Variants in GRID2 observed in about 807,000 individuals in gnomAD.
The protein encoded by GRID2 is glutamate ionotropic receptor delta type subunit 2, also known as glutamate receptor ionotropic, delta-2.
Under a neutral mutation model 114.8 loss-of-function variants are expected in GRID2, and 33 were observed. The observed-to-expected ratio is 0.29, with a 90% CI of 0.22 to 0.38. The LOEUF (loss-of-function observed/expected upper bound fraction) is 0.38. Ranked by LOEUF, GRID2 falls within the 10% of genes least tolerant of loss-of-function variation. The probability of loss-of-function intolerance (pLI) is 1.00; values close to 1 mark genes in which losing one functional copy is unlikely to be tolerated. For missense variants in GRID2, 1,184 were observed against 1,257.7 expected (o/e 0.94, Z 0.89); for synonymous variants, 505 against 449.9 (o/e 1.12, Z -1.55).
chr4:92,600,040 G>GTA (rs1223993452), intron 2 of GRID2, among the ~76,000 whole-genome samples: 38 of 70,704 alleles, frequency 5.4e-4, no homozygotes, highest in African/African-American at 2.0e-3. Context: ...GTGTGTGTGT[G>GTA]TGTGTATATA....
chr4:92,605,093 C>T (rs1224456227), intron 2 of GRID2, among the ~76,000 whole-genome samples: 1 of 152,050 alleles, frequency 6.6e-6, no homozygotes, highest in Admixed American at 6.6e-5. Context: ...TTGTAAGTTT[C>T]CTGAAGCCTT....
intron 2 of GRID2, among the ~76,000 whole-genome samples, chr4:92,672,112 T>C (rs1733103264): frequency 1.3e-5 from 2 of 152,200 alleles, no homozygotes; most frequent in African/African-American, 4.8e-5. Context: ...GTTTTTATCA[T>C]AGGAAATTTC....
rs1579634334 is a variant in GRID2 at position 92,587,358 on chromosome 4, T to C, written c.89-2773T>C. On this transcript the variant is annotated intron_variant, in intron 1 of 15. Coordinates refer to ENST00000282020, the MANE Select transcript of GRID2 (RefSeq NM_001510.4). The stretch of plus-strand genomic sequence containing the variant: ...TACCTATAGTATTGGATTATCTAGA[T>C]TGGTAATATTTGTATATTAATACAA... Among the ~76,000 whole-genome samples, 3 of 152,174 alleles carry C rather than the reference T, an allele frequency of 2.0e-5. No homozygotes were observed. In the East Asian group the frequency reaches 5.8e-4, roughly 29 times the overall value.
chr4:92,708,459 C>A (rs1707135073), intron 2 of GRID2, among the ~76,000 whole-genome samples: 1 of 152,102 alleles, frequency 6.6e-6, no homozygotes, highest in Non-Finnish European at 1.5e-5. Flanking sequence ...GTTTTGGTAG[C>A]ACCGCTCTGG....
intron 12 of GRID2, among the ~76,000 whole-genome samples, chr4:93,514,709 A>G (rs897737156): frequency 2.0e-5 from 3 of 152,192 alleles, no homozygotes; most frequent in Non-Finnish European, 4.4e-5. Flanking sequence ...TGACGTGTGT[A>G]TTCAATAAAT....
chr4:93,362,740 G>C (rs753442300), intron 8 of GRID2, among the ~76,000 whole-genome samples: 5 of 151,920 alleles, frequency 3.3e-5, no homozygotes, highest in Non-Finnish European at 7.4e-5. Context: ...TCCAGTCTTC[G>C]TTGTAAACAC....
chr4:92,535,696 G>A (rs966669773), intron 1 of GRID2, among the ~76,000 whole-genome samples: 3 of 152,166 alleles, frequency 2.0e-5, no homozygotes, highest in Non-Finnish European at 2.9e-5. Context: ...ACCTGCCCTA[G>A]AAATCTATTG....
At chr4:92,535,894 A>G (rs902309354) in intron 1 of GRID2, among the ~76,000 whole-genome samples, 48 of 152,144 alleles carry the variant, frequency 3.2e-4, no homozygotes, top group African/African-American at 1.2e-3. Context: ...GTTACAGCTC[A>G]TAAAGGCGGC....
intron 8 of GRID2, among the ~76,000 whole-genome samples, chr4:93,316,291 C>CGAAAGAAAGAAAGAAAGAAAGAAAGAAA (rs201308452): frequency 2.3e-3 from 180 of 77,140 alleles, no homozygotes; most frequent in South Asian, 3.9e-3. Context: ...AACGAAAGAA[C>CGAAAGAAAGAAAGAAAGAAAGAAAGAAA]GAAAGAAAGA....
At position 93,084,700 on chromosome 4, in the gene GRID2, A is replaced by C. The variant is rs992699563; in HGVS notation, c.245-295A>C. Among the ~76,000 whole-genome samples, 7 of 152,306 alleles carry C rather than the reference A, an allele frequency of 4.6e-5. No homozygotes were observed. In the East Asian group the frequency reaches 1.4e-3, roughly 29 times the overall value. The stretch of plus-strand genomic sequence containing the variant: ...GCAAATAACAGACACTGTTTTCTCT[A>C]ATCCTTGCAATAATCCTGCGAGATT... On this transcript the variant is annotated intron_variant, in intron 2 of 15. Transcript: ENST00000282020.
chr4:92,841,699 C>G (rs186157340), intron 2 of GRID2, among the ~76,000 whole-genome samples: 2 of 151,970 alleles, frequency 1.3e-5, no homozygotes, highest in African/African-American at 4.8e-5. Context: ...AATTATTGCC[C>G]AAGGGGAAAC....
rs551999087 is a variant in GRID2, at chr4:92,966,784, G to C, written c.245-118211G>C. On this transcript the variant is annotated intron_variant, in intron 2 of 15. Transcript: ENST00000282020. ...TTCTGCATAAATTACTCAGTCTCGGGTATGTCCTTATTAGCAGTGTGAAAA... is the reference window on the plus strand; with the variant it reads ...TTCTGCATAAATTACTCAGTCTCGGCTATGTCCTTATTAGCAGTGTGAAAA... Among the ~76,000 whole-genome samples, 4 of 151,994 alleles carry C rather than the reference G, an allele frequency of 2.6e-5. No homozygotes were observed. The East Asian group carries it at 7.8e-4, about 30-fold the overall frequency.
At chr4:93,263,537 C>A (rs1473366553) in intron 8 of GRID2, among the ~76,000 whole-genome samples, 3 of 151,584 alleles carry the variant, frequency 2.0e-5, no homozygotes, top group Non-Finnish European at 4.4e-5. Flanking sequence ...ATTTATGATG[C>A]CTTAAATTAT....
chr4:92,969,910 C>T (rs879256457), intron 2 of GRID2, among the ~76,000 whole-genome samples: 35 of 151,938 alleles, frequency 2.3e-4, no homozygotes, highest in Middle Eastern at 3.4e-3. Context: ...ATGAGTGCTT[C>T]TTAAAACATA....
At chr4:92,366,831 G>T (rs1187499895) in intron 1 of GRID2, among the ~76,000 whole-genome samples, 2 of 151,850 alleles carry the variant, frequency 1.3e-5, no homozygotes, top group Non-Finnish European at 2.9e-5. Flanking sequence ...ATAAATGGGG[G>T]CATATCAAAC....
At chr4:93,248,424 T>C (rs1561040755) in intron 8 of GRID2, among the ~76,000 whole-genome samples, 2 of 152,242 alleles carry the variant, frequency 1.3e-5, no homozygotes, top group East Asian at 3.9e-4. Flanking sequence ...TTCACCCATA[T>C]GTGTTGGAAG....
chr4:93,105,589 CA>C, intron 3 of GRID2, among the ~76,000 whole-genome samples: 1 of 152,136 alleles, frequency 6.6e-6, no homozygotes, highest in Admixed American at 6.5e-5. Context: ...TAATCAGTGT[CA>C]GCAATGCTGT....
At chr4:92,697,607 C>T (rs1167623049) in intron 2 of GRID2, among the ~76,000 whole-genome samples, 3 of 151,726 alleles carry the variant, frequency 2.0e-5, no homozygotes, top group Non-Finnish European at 2.9e-5. Context: ...TGGTAGTGCC[C>T]GTGAGATAAA....
At chr4:93,282,268 T>G (rs1263537256) in intron 8 of GRID2, 3 of 323,618 alleles carry the variant, frequency 9.3e-6, no homozygotes, top group Non-Finnish European at 1.8e-5. Flanking sequence ...AAGTCTTATC[T>G]CAGGTAGTAA....
Sources: allele counts gnomAD v4.1 joint callset (sites outside exome capture counted in the v4.1 genomes callset), GRCh38; gene constraint gnomAD v4.1.1; transcripts MANE v1.5; gene names NCBI Gene and HGNC (gene_info 2026-07-23, HGNC 2026-07-21).